USP39: variants seen among roughly 807,000 people sequenced by gnomAD.
USP39 encodes the protein ubiquitin carboxyl-terminal hydrolase 39.
In USP39, 38 loss-of-function variants were observed where a neutral mutation model predicts 66.4. The observed-to-expected ratio is 0.57, with a 90% CI of 0.44 to 0.75. The LOEUF (loss-of-function observed/expected upper bound fraction) is 0.75. Ranked by LOEUF, USP39 falls within the 30% of genes least tolerant of loss-of-function variation. The pLI is 0.00. For missense variants in USP39, 608 were observed against 714.4 expected, an observed-to-expected ratio of 0.85 and a Z score of 1.70; for synonymous variants, 303 against 274.6, an observed-to-expected ratio of 1.10 and a Z score of -1.02.
chr2:85,621,900 A>G (rs931088353), intron 3 of USP39, among the ~76,000 whole-genome samples: 1 of 151,526 alleles, frequency 6.6e-6, no homozygotes, highest in African/African-American at 2.4e-5. Flanking sequence ...GCTCACTGCA[A>G]CCTCCGCCTC....
chr2:85,638,838 A>AT (rs199596765), intron 8 of USP39, among the ~76,000 whole-genome samples: 11,598 of 132,170 alleles, frequency 0.088, 1,490 homozygotes, highest in African/African-American at 0.29. Flanking sequence ...TGCCCGGCCA[A>AT]TTTTTTTTTT....
chr2:85,608,729 A>T, upstream of USP39: 2 of 252,808 alleles, frequency 7.9e-6, no homozygotes, highest in Non-Finnish European at 7.0e-6. Context: ...AAAAAAAAAA[A>T]GAATTCCAGA....
rs369868667 is a variant in USP39, at chr2:85,624,566, T to C, written c.570+784T>C. On this transcript the variant is annotated intron_variant, in intron 4 of 12. Coordinates refer to ENST00000323701, the MANE Select transcript of USP39 (RefSeq NM_006590.4). ...CTCACTGCATTGCCTAAGTTGTTCA[T>C]GCTCTGTTTATTTTTAAGGAAAACG... is the stretch of plus-strand genomic sequence containing the variant. Among the ~76,000 whole-genome samples the C allele has an allele frequency of 5.0e-4, 76 of 152,334 alleles. 2 individuals carry two copies. The South Asian group carries it at 0.011, about 22-fold the overall frequency.
intron 1 of USP39, among the ~76,000 whole-genome samples, chr2:85,616,678 CTTTTTTTTT>C (rs4019533): frequency 9.4e-6 from 1 of 106,932 alleles, no homozygotes. Context: ...TTTCTTTTTT[CTTTTTTTTT>C]TTTTTTTTGA....
chr2:85,639,449 A>G, intron 9 of USP39, 58 bp downstream of exon 9: 23 of 1,253,292 alleles, frequency 1.8e-5, no homozygotes, highest in South Asian at 6.5e-5. Context: ...CGACTTTTTC[A>G]TTTTCTTTTT....
At chr2:85,647,439 G>A (rs1436213565) in intron 11 of USP39, among the ~76,000 whole-genome samples, 3 of 152,094 alleles carry the variant, frequency 2.0e-5, no homozygotes, top group African/African-American at 7.2e-5. Flanking sequence ...AGGAGGCTGA[G>A]GCGGGAGGAT....
chr2:85,604,474 A>G (rs1188043449), intron 1 of USP39, among the ~76,000 whole-genome samples: 1 of 152,160 alleles, frequency 6.6e-6, no homozygotes, highest in South Asian at 2.1e-4. Context: ...GGCCTCTCAA[A>G]GTGCTGGGAT....
intron 7 of USP39, among the ~76,000 whole-genome samples, chr2:85,637,160 CT>C (rs1675836153): frequency 6.6e-6 from 1 of 152,084 alleles, no homozygotes; most frequent in East Asian, 1.9e-4. Flanking sequence ...AAAAAGTTGT[CT>C]TAAGAGAAAT....
rs1378751674 is a variant in USP39, at chr2:85,625,615, A to G, written c.647A>G (p.Asp216Gly). 1 of 1,614,104 alleles carries G rather than the reference A, an allele frequency of 6.2e-7. No homozygotes were observed. The highest frequency in any genetic ancestry group is 1.7e-5 in the Admixed American group (1 of 60,018). The change falls in exon 5 of 13, where the codon GAT becomes GGT. Residue 216 changes from aspartate to glycine, a missense_variant. By Grantham distance (94) the Asp-to-Gly change is moderately conservative (BLOSUM62 -1). Transcript: ENST00000323701. The part of the protein sequence containing the change: ...DKQAKLSRAY[D>G]GTTYLPGIVG... ...CAAGCCAAATTGTCCCGGGCATATG[A>G]TGGTACCACTTACCTGCCGGGTATT...
chr2:85,637,775 C>T (rs754476383), intron 8 of USP39, among the ~76,000 whole-genome samples: 8 of 152,170 alleles, frequency 5.3e-5, no homozygotes, highest in Non-Finnish European at 1.0e-4. Flanking sequence ...CAGCTCACTG[C>T]AACCTCTACC....
In USP39 at chr2:85,640,996, G is replaced by A; in HGVS notation, c.1305G>A (p.Glu435=). 1 of 1,611,472 alleles carries A rather than the reference G, an allele frequency of 6.2e-7. No homozygotes were observed. Among genetic ancestry groups the A allele is most frequent in the Non-Finnish European group, 8.5e-7 (1 of 1,179,466 alleles). The change falls in exon 10 of 13, where the codon GAG becomes GAA. Residue 435 remains glutamate, a synonymous_variant. Coordinates refer to ENST00000323701, the MANE Select transcript of USP39 (RefSeq NM_006590.4). ...TCTAGGAATATAAGACTTACAAGGA[G>A]AACTTTCTGAAGCGCTTCCAGCTTA... ...ITEKEYKTYK[E]NFLKRFQLTK... is the part of the protein sequence containing the mutation.
At position 85,627,016 on chromosome 2, in the gene USP39, G is replaced by C. The variant is rs557973893; in HGVS notation, c.723+1325G>C. 7.2e-5 allele frequency among the ~76,000 whole-genome samples: 11 copies of C among 151,902 alleles called. No homozygotes were observed. In the South Asian group the frequency reaches 2.3e-3, roughly 32 times the overall value. ...CCTGCCTCGGCCTCCCAAAGTGTTG[G>C]GATTACAGGCATGAGCCACCGTGCC... On this transcript the variant is annotated intron_variant, in intron 5 of 12. Transcript: ENST00000323701.
intron 1 of USP39, among the ~76,000 whole-genome samples, chr2:85,616,823 GCCCACCACCGCT>G (rs1558846768): frequency 6.6e-6 from 1 of 151,538 alleles, no homozygotes; most frequent in African/African-American, 2.4e-5. Context: ...GATTACAGGC[GCCCACCACCGCT>G]CCCGCCACCA....
chr2:85,616,357 C>G lies in USP39; in HGVS notation c.162C>G (p.Phe54Leu), dbSNP rs1468161173. Residue 54 changes from phenylalanine to leucine, a missense_variant, in exon 1 of 13, where the codon TTC becomes TTG. By Grantham distance (22) the Phe-to-Leu change is conservative (BLOSUM62 0). Transcript: ENST00000323701. Reference protein sequence around the residue: ...RGSPVRVKREFEPASAREAPA... With the variant: ...RGSPVRVKRELEPASAREAPA... ...GCCCTGTGCGCGTGAAGCGGGAGTTCGAGCCGGCGAGCGCGCGCGAGGCCC... is the reference window on the plus strand; with the variant it reads ...GCCCTGTGCGCGTGAAGCGGGAGTTGGAGCCGGCGAGCGCGCGCGAGGCCC... The G allele has an allele frequency of 2.5e-6, 4 of 1,600,628 alleles. No homozygotes were observed. The highest frequency in any genetic ancestry group is 3.4e-6 in the Non-Finnish European group (4 of 1,173,962).
upstream of USP39, chr2:85,612,054 C>T: frequency 1.7e-6 from 2 of 1,197,430 alleles, no homozygotes; most frequent in Non-Finnish European, 2.3e-6. Context: ...CACAGAGCTC[C>T]GCGCCGCCCC....
chr2:85,611,169 T>C (rs1200053062), upstream of USP39: 21 of 907,204 alleles, frequency 2.3e-5, no homozygotes, highest in Middle Eastern at 9.6e-4. Context: ...GATCGCACCA[T>C]TGCACTCCAG....
Position 85,645,440 on chromosome 2 carries a change from C to T in USP39, c.1563+357C>T, listed in dbSNP as rs192503866. ...ATGGGATTACAGGCGCCCATCACCA[C>T]GCCCGGCTAATTTTTGTATTTTTAG... On this transcript the variant is annotated intron_variant, in intron 11 of 12. Coordinates refer to ENST00000323701, the MANE Select transcript of USP39 (RefSeq NM_006590.4). Among the ~76,000 whole-genome samples, 22 of 152,188 alleles carry T rather than the reference C, an allele frequency of 1.4e-4. 1 individual carries two copies. In the South Asian group the frequency reaches 2.7e-3, roughly 19 times the overall value.
chr2:85,616,565 AGGGGT>A, intron 1 of USP39, 102 bp downstream of exon 1: 4 of 66,106 alleles, frequency 6.1e-5, no homozygotes, highest in Non-Finnish European at 1.1e-4. Flanking sequence ...GAGTTGGGGG[AGGGGT>A]GGGGTTGGGG....
chr2:85,639,470 T>C (rs918066708), intron 9 of USP39, 79 bp downstream of exon 9: 1,708 of 1,352,176 alleles, frequency 1.3e-3, no homozygotes, highest in Non-Finnish European at 1.6e-3. Flanking sequence ...TTTTTTTTTT[T>C]CAAGACAGAG....
Sources: gnomAD v4.1 joint callset for allele counts (sites outside exome capture counted in the v4.1 genomes callset) on GRCh38, gnomAD v4.1.1 for gene constraint, MANE v1.5 for transcripts, NCBI Gene and HGNC (gene_info 2026-07-23, HGNC 2026-07-21) for gene names.